Variants in ANKRD26 observed in about 807,000 individuals in gnomAD.
The protein encoded by ANKRD26 is ankyrin repeat domain 26, also known as ankyrin repeat domain-containing protein 26.
A neutral mutation model predicts 208.7 loss-of-function variants in ANKRD26; 141 were observed. The ratio of observed to expected loss-of-function variants is 0.68; its 90% CI spans 0.59 to 0.78. The LOEUF (loss-of-function observed/expected upper bound fraction) is 0.78, where lower values mean the gene tolerates loss of function less well. Among genes scored for constraint, ANKRD26 ranks in the 30% least tolerant of loss-of-function variants. The pLI is 0.00. For synonymous variants in ANKRD26, 636 were observed against 660.4 expected (o/e 0.96, Z 0.57); for missense variants, 1,889 against 1,938.7 (o/e 0.97, Z 0.48).
At chr10:27,065,740 A>AC (rs1414524080) in intron 11 of ANKRD26, among the ~76,000 whole-genome samples, 2 of 150,136 alleles carry the variant, frequency 1.3e-5, no homozygotes, top group South Asian at 2.1e-4. Context: ...AACAAAAAAA[A>AC]AAAACAAAAA....
intron 4 of ANKRD26, among the ~76,000 whole-genome samples, chr10:26,997,428 T>C (rs1027425866): frequency 2.6e-5 from 4 of 152,208 alleles, no homozygotes; most frequent in African/African-American, 9.6e-5. Flanking sequence ...CACTTTAACT[T>C]CCTCAGAGCA....
chr10:27,015,274 C>T (rs1182323009), intron 30 of ANKRD26, among the ~76,000 whole-genome samples: 8 of 152,148 alleles, frequency 5.3e-5, no homozygotes, highest in Non-Finnish European at 1.0e-4. Flanking sequence ...GGGATAAATG[C>T]TGTGCGCATC....
Position 27,033,343 on chromosome 10 carries a change from T to C in ANKRD26, c.3689A>G (p.Asp1230Gly). 6.2e-7 allele frequency: 1 copy of C among 1,610,406 alleles called. No individual in the cohort carries two copies. Among genetic ancestry groups the C allele is most frequent in the Non-Finnish European group, 8.5e-7 (1 of 1,177,610 alleles). Residue 1230 changes from aspartate to glycine, a missense_variant, in exon 25 of 34, where the codon GAT becomes GGT. Transcript: ENST00000376087. ...VVRQLQQELA[D>G]TLKKQSMSEA... ...TGACATAGATTGTTTTTTTAGGGTA[T>C]CAGCTAGTTCTTGTTGAAGTTGTCT...
intron 32 of ANKRD26, among the ~76,000 whole-genome samples, chr10:27,008,373 TAGAC>T (rs1277831224): frequency 2.6e-5 from 4 of 152,076 alleles, no homozygotes; most frequent in African/African-American, 9.6e-5. Flanking sequence ...ATAGCATTAG[TAGAC>T]AGGTCCTGTA....
chr10:27,032,192 G>A (rs1289480363), intron 25 of ANKRD26, among the ~76,000 whole-genome samples: 3 of 152,108 alleles, frequency 2.0e-5, no homozygotes, highest in African/African-American at 7.2e-5. Context: ...GAAAAAAATG[G>A]CAGAATGAAA....
intron 9 of ANKRD26, among the ~76,000 whole-genome samples, chr10:27,075,843 T>C (rs919994713): frequency 1.3e-5 from 2 of 151,814 alleles, no homozygotes; most frequent in Non-Finnish European, 2.9e-5. Context: ...ATAGACCATA[T>C]GATAGGCCAC....
At chr10:27,042,663 G>T (rs1016504804) in intron 20 of ANKRD26, among the ~76,000 whole-genome samples, 5 of 152,050 alleles carry the variant, frequency 3.3e-5, no homozygotes, top group Admixed American at 2.0e-4. Context: ...TGAGGCAGGA[G>T]AATAGCGTGA....
At chr10:27,036,925 G>A (rs1201022692) in intron 23 of ANKRD26, among the ~76,000 whole-genome samples, 1 of 151,952 alleles carries the variant, frequency 6.6e-6, no homozygotes, top group African/African-American at 2.4e-5. Context: ...CAATTCTTAC[G>A]GAAGATATTA....
intron 20 of ANKRD26, among the ~76,000 whole-genome samples, chr10:27,041,107 T>A (rs1362275158): frequency 6.6e-6 from 1 of 151,834 alleles, no homozygotes; most frequent in Non-Finnish European, 1.5e-5. Context: ...GAGACCCGCT[T>A]TCAGAGTTTC....
At chr10:27,067,355 A>G in intron 9 of ANKRD26, 69 bp from the exon 10 acceptor site, 2 of 1,547,716 alleles carry the variant, frequency 1.3e-6, no homozygotes, top group Non-Finnish European at 1.8e-6. Context: ...TACCCATTCA[A>G]TCACTGTATT....
chr10:27,093,465 G>T lies in ANKRD26; in HGVS notation c.415C>A (p.Pro139Thr), dbSNP rs748276428. 11 of 1,614,154 alleles carry T rather than the reference G, an allele frequency of 6.8e-6. No individual in the cohort carries two copies. In the Middle Eastern group the frequency reaches 6.6e-4, roughly 97 times the overall value. Residue 139 changes from proline to threonine, a missense_variant, in exon 3 of 34, where the codon CCA (proline) becomes ACA (threonine). Pro to Thr is a conservative substitution (Grantham distance 38). This residue lies in a region of ANKRD26 where 1,272 missense variants were observed against 1,273.8 expected (regional missense o/e 1.00). Coordinates refer to ENST00000376087, the MANE Select transcript of ANKRD26 (RefSeq NM_014915.3). ...TTGCCATGGACATCCGCAAGATTTG[G>T]ATCAGCACCATGTTCTAGCAGAATA... ...ATILLEHGAD[P>T]NLADVHGNTA...
Position 27,029,255 on chromosome 10 carries a change from A to T in ANKRD26, c.3878+31T>A, listed in dbSNP as rs762948559. The T allele has an allele frequency of 8.8e-6, 14 of 1,586,542 alleles. No individual in the cohort carries two copies. The Admixed American group carries it at 2.3e-4, about 26-fold the overall frequency. On this transcript the variant is annotated intron_variant, in intron 26 of 33. Coordinates refer to ENST00000376087, the MANE Select transcript of ANKRD26 (RefSeq NM_014915.3). ...CTGCTTATTTGCTCTATAAATAATCATGTTTTTCTGTGTGCTGCTTTAAAT... is the reference window on the plus strand; with the variant it reads ...CTGCTTATTTGCTCTATAAATAATCTTGTTTTTCTGTGTGCTGCTTTAAAT...
intron 32 of ANKRD26, 44 bp from the exon 33 acceptor site, chr10:27,007,006 GAGAC>G: frequency 7.0e-7 from 1 of 1,419,986 alleles, no homozygotes; most frequent in South Asian, 1.2e-5. Flanking sequence ...AGTTAGACAA[GAGAC>G]ATTAACATAG....
chr10:27,047,849 T>C (rs547547267), intron 17 of ANKRD26, among the ~76,000 whole-genome samples: 31 of 151,846 alleles, frequency 2.0e-4, no homozygotes, highest in Admixed American at 1.9e-3. Flanking sequence ...GTTCAAGTGA[T>C]TCTCCTGCCT....
intron 16 of ANKRD26, among the ~76,000 whole-genome samples, chr10:27,049,615 C>T (rs929923518): frequency 7.2e-5 from 11 of 152,128 alleles, no homozygotes; most frequent in African/African-American, 1.9e-4. Flanking sequence ...CCGAATTTCA[C>T]ATTCAATAAC....
intron 21 of ANKRD26, among the ~76,000 whole-genome samples, chr10:27,038,890 G>A (rs1410055130): frequency 6.6e-6 from 1 of 152,044 alleles, no homozygotes; most frequent in Non-Finnish European, 1.5e-5. Context: ...TTAGGCTAAC[G>A]AGCCTAATAC....
intron 15 of ANKRD26, among the ~76,000 whole-genome samples, chr10:27,055,924 G>C (rs893360122): frequency 4.6e-5 from 7 of 152,162 alleles, no homozygotes; most frequent in African/African-American, 1.4e-4. Flanking sequence ...CATTGTGCTT[G>C]AGTAGGCAAT....
intron 28 of ANKRD26, among the ~76,000 whole-genome samples, chr10:27,023,248 A>C (rs1247177881): frequency 6.6e-6 from 1 of 152,118 alleles, no homozygotes; most frequent in East Asian, 1.9e-4. Flanking sequence ...AGGCGGAGCC[A>C]GGAGAATGGC....
chr10:26,950,342 C>T, the ANKRD26 span, among the ~76,000 whole-genome samples: 16 of 152,350 alleles, frequency 1.1e-4, no homozygotes, highest in Admixed American at 2.0e-4. Flanking sequence ...TTTCCTGAGG[C>T]CTCCAGAGCC....
Sources: allele counts gnomAD v4.1 joint callset (sites outside exome capture counted in the v4.1 genomes callset), GRCh38; gene constraint gnomAD v4.1.1; regional missense constraint gnomAD v4.1.1; transcripts MANE v1.5; gene names NCBI Gene and HGNC (gene_info 2026-07-23, HGNC 2026-07-21).